MED13: variants seen among roughly 807,000 people sequenced by gnomAD.
MED13 encodes mediator of RNA polymerase II transcription subunit 13.
MED13 carries 23 observed loss-of-function variants against 225.2 expected under a neutral mutation model. The observed-to-expected ratio is 0.10, with a 90% confidence interval of 0.07 to 0.14. The LOEUF (loss-of-function observed/expected upper bound fraction) is 0.14. MED13 is among the 10% of genes least tolerant of loss of function. The pLI, the probability that MED13 is intolerant of heterozygous loss-of-function variation, is 1.00. For missense variants in MED13, 2,197 were observed against 2,594.5 expected (o/e 0.85, Z 3.33); for synonymous variants, 942 against 889.2 (o/e 1.06, Z -1.06).
intron 8 of MED13, among the ~76,000 whole-genome samples, chr17:62,011,552 A>G (rs2080509539): frequency 6.6e-6 from 1 of 152,218 alleles, no homozygotes; most frequent in Admixed American, 6.5e-5. Flanking sequence ...GATTCTAGTT[A>G]AGGTTAAAAG....
chr17:62,049,930 CA>C (rs544006035), intron 3 of MED13, among the ~76,000 whole-genome samples: 213 of 96,010 alleles, frequency 2.2e-3, no homozygotes, highest in Middle Eastern at 6.8e-3. Flanking sequence ...GCTCTGTCTC[CA>C]AAAAAAAAAA....
chr17:61,959,016 T>G lies in MED13; in HGVS notation c.5480+1851A>C, dbSNP rs565049490. 3.9e-5 allele frequency among the ~76,000 whole-genome samples: 6 copies of G among 151,904 alleles called. No individual in the cohort carries two copies. In the East Asian group the frequency reaches 9.7e-4, roughly 25 times the overall value. On this transcript the variant is annotated intron_variant, in intron 23 of 29. Coordinates refer to ENST00000397786, the MANE Select transcript of MED13 (RefSeq NM_005121.3). ...CATCACTGCCCCTCTTTTTTTTTTTTCTTTAAGACAGACTTTCGCTCTTGA... is the reference window on the plus strand; with the variant it reads ...CATCACTGCCCCTCTTTTTTTTTTTGCTTTAAGACAGACTTTCGCTCTTGA...
intron 9 of MED13, chr17:62,007,629 A>G (rs1204127437): frequency 1.3e-5 from 2 of 152,170 alleles, no homozygotes; most frequent in African/African-American, 4.8e-5. Flanking sequence ...CGGGCGGATC[A>G]CGAGGTCGGG....
At chr17:62,008,697 C>T (rs559776504) in intron 9 of MED13, among the ~76,000 whole-genome samples, 9 of 152,040 alleles carry the variant, frequency 5.9e-5, no homozygotes, top group South Asian at 2.1e-4. Flanking sequence ...GCCCCCTCCC[C>T]CCGAGGGAGC....
intron 2 of MED13, among the ~76,000 whole-genome samples, chr17:62,054,315 CA>C (rs907710694): frequency 1.8e-4 from 25 of 142,034 alleles, no homozygotes; most frequent in African/African-American, 6.3e-4. Flanking sequence ...AACAAACAAA[CA>C]AAAAAAAAGG....
At chr17:61,974,542 T>G (rs577038217) in intron 16 of MED13, among the ~76,000 whole-genome samples, 3 of 124,982 alleles carry the variant, frequency 2.4e-5, no homozygotes, top group African/African-American at 1.2e-4. Context: ...ACCTGGCACA[T>G]GTACCCATAA....
intron 3 of MED13, among the ~76,000 whole-genome samples, chr17:62,049,261 C>A (rs9889324): frequency 0.37 from 55,986 of 151,654 alleles, 12,550 homozygotes; most frequent in East Asian, 0.72. Context: ...AAGGGAAACT[C>A]ATAAGATTAT....
intron 1 of MED13, among the ~76,000 whole-genome samples, chr17:62,064,613 TCTTAAGTCACC>T (rs1294045003): frequency 6.6e-6 from 1 of 152,158 alleles, no homozygotes; most frequent in Non-Finnish European, 1.5e-5. Flanking sequence ...TACAGAGAGA[TCTTAAGTCACC>T]CAAGAAAGAA....
Position 62,012,938 on chromosome 17 carries a change from G to A in MED13, c.1284-1705C>T, listed in dbSNP as rs549981508. ...CTCCCAAGTAGCTGGAACTACAGGC[G>A]TGCACCACCACACCTAGCTAATTTT... On this transcript the variant is annotated intron_variant, in intron 8 of 29. Coordinates refer to ENST00000397786, the MANE Select transcript of MED13 (RefSeq NM_005121.3). Among the ~76,000 whole-genome samples the A allele has an allele frequency of 9.9e-5, 15 of 151,822 alleles. No individual in the cohort carries two copies. The East Asian group carries it at 1.4e-3, about 14-fold the overall frequency.
In MED13 at chr17:62,031,501, G is replaced by T. The variant is rs1217691830; in HGVS notation, c.952C>A (p.Pro318Thr). 6.2e-7 allele frequency: 1 copy of T among 1,613,760 alleles called. No individual in the cohort carries two copies. The highest frequency in any genetic ancestry group is 2.2e-5 in the East Asian group (1 of 44,864). Reference sequence around the variant, plus strand: ...GTAAGCGTAACCGAAGACATAGCAGGATCTCTTGTGGAAGCAGGCACTTGG... The same window carrying T: ...GTAAGCGTAACCGAAGACATAGCAGTATCTCTTGTGGAAGCAGGCACTTGG... ...VHQVPASTRD[P>T]AMSSVTLTPP... The change falls in exon 6 of 30, where the codon CCT becomes ACT. Residue 318 changes from proline (P) to threonine (T), a missense_variant. By Grantham distance (38) the Pro-to-Thr change is conservative (BLOSUM62 -1). Transcript: ENST00000397786.
intron 2 of MED13, among the ~76,000 whole-genome samples, chr17:62,057,594 T>G (rs2081005828): frequency 6.6e-6 from 1 of 152,228 alleles, no homozygotes; most frequent in Non-Finnish European, 1.5e-5. Context: ...GCCTGGCTGT[T>G]TATCTATCTG....
intron 11 of MED13, among the ~76,000 whole-genome samples, chr17:61,989,621 A>G (rs2080278177): frequency 6.6e-6 from 1 of 152,222 alleles, no homozygotes; most frequent in South Asian, 2.1e-4. Context: ...TACAGGCATG[A>G]GCCACTGCAC....
At chr17:61,967,998 G>C in intron 18 of MED13, 37 bp downstream of exon 18, 1 of 1,488,572 alleles carries the variant, frequency 6.7e-7, no homozygotes, top group Non-Finnish European at 9.4e-7. Flanking sequence ...CAAATCGTAA[G>C]GTAGTTTTAA....
intron 12 of MED13, among the ~76,000 whole-genome samples, chr17:61,986,011 A>G (rs908900838): frequency 1.9e-4 from 29 of 152,186 alleles, no homozygotes; most frequent in Non-Finnish European, 4.0e-4. Flanking sequence ...CAGAGCTAAC[A>G]TTTGTTCCAT....
rs1205275003 is a variant in MED13 at position 61,943,455 on chromosome 17, A to C, written c.*3013T>G. The C allele has an allele frequency of 6.6e-6, 1 of 152,636 alleles. No individual in the cohort carries two copies. Among genetic ancestry groups the C allele is most frequent in the Non-Finnish European group, 1.5e-5 (1 of 68,006 alleles). The allele number at this position is 152,636 out of a possible 1,614,324, so 9.5% of individuals were successfully genotyped here. ...CATTAAGTTAAAAAATTACCTCAGA[A>C]GGTAAATATGAAGACGAAAGGAGAA... On this transcript the variant is annotated 3_prime_UTR_variant, in exon 30 of 30. Transcript: ENST00000397786.
intron 8 of MED13, among the ~76,000 whole-genome samples, chr17:62,022,643 A>G (rs894449771): frequency 5.3e-5 from 8 of 152,176 alleles, no homozygotes; most frequent in Admixed American, 3.3e-4. Context: ...GCAGAGCTAT[A>G]TAAGTAACTA....
intron 11 of MED13, 35 bp from the exon 12 acceptor site, chr17:61,987,163 T>G (rs2080254682): frequency 6.5e-7 from 1 of 1,531,252 alleles, no homozygotes; most frequent in South Asian, 1.2e-5. Flanking sequence ...AAATTAAAAC[T>G]GCTACTACTA....
intron 3 of MED13, among the ~76,000 whole-genome samples, chr17:62,039,922 G>A (rs1443767905): frequency 2.0e-5 from 3 of 151,724 alleles, no homozygotes. Context: ...AGAGATGGCA[G>A]TCTCCCTATG....
At chr17:62,027,285 G>C (rs1029236108) in intron 8 of MED13, among the ~76,000 whole-genome samples, 4 of 152,058 alleles carry the variant, frequency 2.6e-5, no homozygotes, top group African/African-American at 9.7e-5. Flanking sequence ...AGGCTGCACT[G>C]CCACAACCAT....
Sources: gnomAD v4.1 joint callset for allele counts (sites outside exome capture counted in the v4.1 genomes callset) on GRCh38, gnomAD v4.1.1 for gene constraint, MANE v1.5 for transcripts, NCBI Gene and HGNC (gene_info 2026-07-23, HGNC 2026-07-21) for gene names.